The following PABIR3 variants were observed in gnomAD, a reference collection of about 807,000 sequenced individuals.
The protein encoded by PABIR3 is PABIR family member 3, also known as PABIR family member 1.
PABIR3 carries 20 observed loss-of-function variants against 23.1 expected under a neutral mutation model. The observed-to-expected ratio is 0.86, with a 90% CI of 0.61 to 1.26. The LOEUF is 1.26. Among genes scored for constraint, PABIR3 ranks in the 50% most tolerant of loss-of-function variants. The probability of loss-of-function intolerance (pLI) is 0.00; values close to 1 mark genes in which losing one functional copy is unlikely to be tolerated. For missense variants in PABIR3, 189 were observed against 195.4 expected (o/e 0.97, Z 0.20); for synonymous variants, 69 against 68.5 (o/e 1.01, Z -0.04).
intron 2 of PABIR3, among the ~76,000 whole-genome samples, chrX:134,812,327 A>G (rs1343004179): frequency 8.9e-6 from 1 of 112,191 alleles, no homozygotes; most frequent in Non-Finnish European, 1.9e-5. Flanking sequence ...TACACAAAAA[A>G]GAATGGAAAG....
intron 4 of PABIR3, among the ~76,000 whole-genome samples, chrX:134,842,898 C>CA (rs1219038634): frequency 5.2e-4 from 45 of 86,029 alleles, no homozygotes; most frequent in South Asian, 4.2e-3. Context: ...AACTCCGTCT[C>CA]AAAAAAAAAA....
chrX:134,817,125 C>T (rs1053131137), intron 3 of PABIR3, among the ~76,000 whole-genome samples: 6 of 111,430 alleles, frequency 5.4e-5, no homozygotes, highest in South Asian at 3.7e-4. Flanking sequence ...GAGCCAAGAT[C>T]GCGCCACTGC....
intron 2 of PABIR3, chrX:134,809,279 C>T: frequency 8.3e-6 from 1 of 120,893 alleles, no homozygotes; most frequent in Non-Finnish European, 1.7e-5. Flanking sequence ...GATTCTCCTG[C>T]CTCAGACTCC....
chrX:134,804,577 T>C (rs1184486295), upstream of PABIR3, among the ~76,000 whole-genome samples: 4 of 112,338 alleles, frequency 3.6e-5, no homozygotes, highest in African/African-American at 1.3e-4. Flanking sequence ...TTATTATACC[T>C]ATTTTCTTAG....
intron 3 of PABIR3, chrX:134,821,585 C>T (rs1410063679): frequency 8.8e-7 from 1 of 1,141,528 alleles, no homozygotes. Flanking sequence ...AAAGGTTGTG[C>T]TTTTCTTGAG....
chrX:134,813,950 G>A (rs2080820122), intron 2 of PABIR3, among the ~76,000 whole-genome samples: 1 of 109,214 alleles, frequency 9.2e-6, no homozygotes, highest in African/African-American at 3.3e-5. Context: ...TTCAATAGAA[G>A]CCAGAACGTT....
At chrX:134,819,809 C>T (rs1250093926) in intron 3 of PABIR3, among the ~76,000 whole-genome samples, 1 of 111,088 alleles carries the variant, frequency 9.0e-6, no homozygotes, top group African/African-American at 3.3e-5. Flanking sequence ...CGCTTGAACC[C>T]GGGAAGTGAA....
chrX:134,849,955 C>G (rs146860179), intron 9 of PABIR3, among the ~76,000 whole-genome samples: 2,761 of 94,688 alleles, frequency 0.029, 41 homozygotes, highest in Middle Eastern at 0.15. Flanking sequence ...TCACTGCAAC[C>G]TCTTCCTCCC....
chrX:134,818,845 G>A (rs1381465043), intron 3 of PABIR3, among the ~76,000 whole-genome samples: 1 of 109,271 alleles, frequency 9.2e-6, no homozygotes, highest in Non-Finnish European at 1.9e-5. Context: ...AGTACATATA[G>A]TCAGCAACCG....
intron 4 of PABIR3, chrX:134,838,862 T>G (rs2082084551): frequency 9.2e-6 from 1 of 109,289 alleles, no homozygotes; most frequent in Non-Finnish European, 1.9e-5. Context: ...CCTGACTGGT[T>G]TTCGTATTTT....
intron 3 of PABIR3, among the ~76,000 whole-genome samples, chrX:134,820,849 C>T (rs1050061509): frequency 1.9e-5 from 2 of 107,831 alleles, no homozygotes; most frequent in Non-Finnish European, 3.8e-5. Context: ...AGTGAAACCC[C>T]GTCTCTACTA....
At chrX:134,820,571 C>A (rs1320639936) in intron 3 of PABIR3, among the ~76,000 whole-genome samples, 1 of 110,863 alleles carries the variant, frequency 9.0e-6, no homozygotes, top group Non-Finnish European at 1.9e-5. Context: ...TTCAGTTTTG[C>A]ACGATGAAAA....
intron 2 of PABIR3, among the ~76,000 whole-genome samples, chrX:134,811,363 A>G (rs2080651256): frequency 9.3e-6 from 1 of 107,422 alleles, no homozygotes; most frequent in Non-Finnish European, 1.9e-5. Context: ...AAAAACCTCT[A>G]CCTTGACCCT....
chrX:134,800,972 C>CA (rs2080052067), intron 1 of PABIR3, among the ~76,000 whole-genome samples: 1 of 111,800 alleles, frequency 8.9e-6, no homozygotes, highest in African/African-American at 3.3e-5. Flanking sequence ...CAATACATGG[C>CA]AAAAGTACCA....
At chrX:134,821,240 A>G (rs1477165759) in intron 3 of PABIR3, 2 of 806,790 alleles carry the variant, frequency 2.5e-6, no homozygotes, top group South Asian at 2.7e-5. Context: ...TTTTCCAAGC[A>G]TTGTAAAAAA....
intron 1 of PABIR3, 92 bp from the exon 2 acceptor site, chrX:134,807,447 CA>C: frequency 9.2e-7 from 1 of 1,087,430 alleles, no homozygotes; most frequent in Non-Finnish European, 1.2e-6. Context: ...GCTAGGGCTG[CA>C]AAGGTGGGCA....
intron 4 of PABIR3, chrX:134,831,686 A>G (rs1325588993): frequency 2.7e-5 from 3 of 111,774 alleles, no homozygotes; most frequent in Non-Finnish European, 5.6e-5. Context: ...ACATGTAATA[A>G]TCACATCAGG....
chrX:134,814,742 A>C lies in PABIR3; in HGVS notation c.111-29A>C, dbSNP rs768194465. On this transcript the variant is annotated intron_variant, in intron 2 of 10. Transcript: ENST00000645433. ...AAAAGAATTTTGTAATGGATTTTAT[A>C]TAACACATGTTTTTGTTTTTCTTTT... 1.6e-5 allele frequency: 16 copies of C among 1,016,416 alleles called. No individual in the cohort carries two copies. The African/African-American group carries it at 2.7e-4, about 17-fold the overall frequency. 83.8% of individuals were successfully genotyped at this position (1,016,416 alleles called of 1,213,427 possible).
chrX:134,843,562 C>CTTT (rs140467304), intron 4 of PABIR3, among the ~76,000 whole-genome samples: 11 of 42,252 alleles, frequency 2.6e-4, no homozygotes, highest in Non-Finnish European at 3.2e-4. Context: ...AGGCTTATTT[C>CTTT]TTTTTTTTTT....
Sources: allele counts gnomAD v4.1 joint callset (sites outside exome capture counted in the v4.1 genomes callset), GRCh38; gene constraint gnomAD v4.1.1; transcripts MANE v1.5; gene names NCBI Gene and HGNC (gene_info 2026-07-23, HGNC 2026-07-21).